The following SPOPL variants were observed in gnomAD, a reference collection of about 807,000 sequenced individuals.
SPOPL encodes speckle-type POZ protein-like.
Under a neutral mutation model 53.8 loss-of-function variants are expected in SPOPL, and 23 were observed. The observed-to-expected ratio is 0.43, with a 90% CI of 0.31 to 0.61. The LOEUF is 0.61. Ranked by LOEUF, SPOPL falls within the 20% of genes least tolerant of loss-of-function variation. SPOPL has a pLI of 0.12. For synonymous variants in SPOPL, 164 were observed against 149.7 expected, an observed-to-expected ratio of 1.10 and a Z score of -0.70; for missense variants, 442 against 466.9, an observed-to-expected ratio of 0.95 and a Z score of 0.49.
At position 138,524,476 on chromosome 2, in the gene SPOPL, TCTC is replaced by T. The variant is rs570306548; in HGVS notation, c.-61+22361_-61+22363del. ...CAAATTTCTGCAGCTGACTTGAACT[TCTC>T]CTCAGAAAATGGGATTTTCTTTCCT... On this transcript the variant is annotated intron_variant, in intron 1 of 10. Coordinates refer to ENST00000280098, the MANE Select transcript of SPOPL (RefSeq NM_001001664.3). Among the ~76,000 whole-genome samples, 62 of 152,380 alleles carry T rather than the reference TCTC, an allele frequency of 4.1e-4. 1 individual carries two copies. The South Asian group carries it at 6.8e-3, about 17-fold the overall frequency.
At chr2:138,537,344 G>T (rs1022475353) in intron 1 of SPOPL, among the ~76,000 whole-genome samples, 1 of 152,118 alleles carries the variant, frequency 6.6e-6, no homozygotes. Context: ...GATTGAGCAA[G>T]CAGGGGATAC....
intron 1 of SPOPL, among the ~76,000 whole-genome samples, chr2:138,531,455 G>T (rs1417493078): frequency 6.6e-6 from 1 of 152,062 alleles, no homozygotes; most frequent in Admixed American, 6.5e-5. Context: ...TAAGCCCCAA[G>T]ATATTACAAT....
intron 1 of SPOPL, among the ~76,000 whole-genome samples, chr2:138,533,390 A>G (rs1303573498): frequency 6.6e-6 from 1 of 152,132 alleles, no homozygotes; most frequent in African/African-American, 2.4e-5. Flanking sequence ...GTACTCTCTC[A>G]TATTATCATA....
chr2:138,535,575 G>A (rs1466100660), intron 1 of SPOPL, among the ~76,000 whole-genome samples: 1 of 64,806 alleles, frequency 1.5e-5, no homozygotes, highest in Non-Finnish European at 3.1e-5. Context: ...TTTTTTTTTG[G>A]TCTTTTTCAG....
chr2:138,556,648 A>G (rs910351457), intron 5 of SPOPL, among the ~76,000 whole-genome samples: 1 of 152,186 alleles, frequency 6.6e-6, no homozygotes, highest in Admixed American at 6.5e-5. Context: ...AAACTTTTTT[A>G]TAGTTATTAA....
At chr2:138,523,136 G>T (rs1684592611) in intron 1 of SPOPL, among the ~76,000 whole-genome samples, 1 of 152,208 alleles carries the variant, frequency 6.6e-6, no homozygotes, top group Admixed American at 6.5e-5. Flanking sequence ...GTTTACAAAA[G>T]AAAGGTTTAG....
chr2:138,538,094 AT>A (rs1170060410), intron 1 of SPOPL, among the ~76,000 whole-genome samples: 3 of 152,132 alleles, frequency 2.0e-5, no homozygotes, highest in Non-Finnish European at 2.9e-5. Context: ...TATAATTTAA[AT>A]TTTTTTAAAT....
intron 5 of SPOPL, among the ~76,000 whole-genome samples, chr2:138,558,696 G>C (rs963238082): frequency 6.6e-6 from 1 of 152,022 alleles, no homozygotes; most frequent in African/African-American, 2.4e-5. Flanking sequence ...ACCTCACAAA[G>C]ATGTACTTTT....
chr2:138,524,850 C>T (rs1268682736), intron 1 of SPOPL, among the ~76,000 whole-genome samples: 1 of 152,202 alleles, frequency 6.6e-6, no homozygotes, highest in Non-Finnish European at 1.5e-5. Flanking sequence ...GAATTCCAAA[C>T]TCCCTATCTT....
At chr2:138,514,309 A>G (rs1684393494) in intron 1 of SPOPL, among the ~76,000 whole-genome samples, 1 of 152,202 alleles carries the variant, frequency 6.6e-6, no homozygotes, top group South Asian at 2.1e-4. Context: ...GACAACTCGA[A>G]GCTGGGAGAG....
chr2:138,553,473 G>T (rs1199964433), intron 5 of SPOPL, among the ~76,000 whole-genome samples: 4 of 152,048 alleles, frequency 2.6e-5, no homozygotes, highest in Non-Finnish European at 5.9e-5. Flanking sequence ...ATTTTCATAA[G>T]AAAGATAGTT....
intron 1 of SPOPL, among the ~76,000 whole-genome samples, chr2:138,523,601 C>G (rs559539543): frequency 6.6e-6 from 1 of 152,314 alleles, no homozygotes; most frequent in South Asian, 2.1e-4. Context: ...TTAGTTACCT[C>G]CTAGATACAG....
At chr2:138,566,268 T>C (rs982977616) in intron 10 of SPOPL, among the ~76,000 whole-genome samples, 4 of 152,102 alleles carry the variant, frequency 2.6e-5, no homozygotes, top group Non-Finnish European at 5.9e-5. Flanking sequence ...TAGAGAAAAA[T>C]TGTTTTGAGT....
Position 138,565,866 on chromosome 2 carries a change from T to G in SPOPL, c.1034+873T>G, listed in dbSNP as rs554366299. On this transcript the variant is annotated intron_variant, in intron 10 of 10. Coordinates refer to ENST00000280098, the MANE Select transcript of SPOPL (RefSeq NM_001001664.3). ...CTCCTGCCTCAGCCTCCCAAGTAGCTGGAACTACAGGCGCCCGCCACCACA... is the reference window on the plus strand; with the variant it reads ...CTCCTGCCTCAGCCTCCCAAGTAGCGGGAACTACAGGCGCCCGCCACCACA... 6.3e-3 allele frequency among the ~76,000 whole-genome samples: 960 copies of G among 151,496 alleles called. 5 individuals are homozygous for G. The highest frequency in any genetic ancestry group is 0.022 in the African/African-American group (919 of 40,982).
chr2:138,554,864 C>T (rs1472210523), intron 5 of SPOPL, among the ~76,000 whole-genome samples: 2 of 152,068 alleles, frequency 1.3e-5, no homozygotes, highest in Non-Finnish European at 2.9e-5. Context: ...TTTTTAAGGA[C>T]ACATCTTTTT....
intron 10 of SPOPL, among the ~76,000 whole-genome samples, chr2:138,567,196 A>T (rs770950399): frequency 6.6e-6 from 1 of 152,198 alleles, no homozygotes; most frequent in Non-Finnish European, 1.5e-5. Flanking sequence ...TATGTAGCAT[A>T]CCCATAGGAG....
chr2:138,524,589 C>A (rs1409294905), intron 1 of SPOPL, among the ~76,000 whole-genome samples: 1 of 152,170 alleles, frequency 6.6e-6, no homozygotes, highest in Admixed American at 6.5e-5. Flanking sequence ...CCCAGGTCAC[C>A]TCTTCAATGG....
chr2:138,508,876 T>C (rs1193196996), intron 1 of SPOPL, among the ~76,000 whole-genome samples: 5 of 152,178 alleles, frequency 3.3e-5, no homozygotes, highest in South Asian at 2.1e-4. Flanking sequence ...CTGTGTGCTT[T>C]TCATGTATTT....
chr2:138,550,121 T>A, intron 1 of SPOPL, 36 bp from the exon 2 acceptor site: 1 of 1,105,134 alleles, frequency 9.0e-7, no homozygotes, highest in African/African-American at 1.5e-5. Context: ...TCGTTTAAAC[T>A]TTTTAATCAG....
Sources: allele counts gnomAD v4.1 joint callset (sites outside exome capture counted in the v4.1 genomes callset), GRCh38; gene constraint gnomAD v4.1.1; transcripts MANE v1.5; gene names NCBI Gene and HGNC (gene_info 2026-07-23, HGNC 2026-07-21).